Variants in RFX2 observed in about 807,000 individuals in gnomAD.
The protein encoded by RFX2 is DNA-binding protein RFX2.
RFX2 carries 20 observed loss-of-function variants against 87.8 expected under a neutral mutation model. The observed-to-expected ratio is 0.23, with a 90% CI of 0.16 to 0.33. The LOEUF (loss-of-function observed/expected upper bound fraction) is 0.33, where lower values mean the gene tolerates loss of function less well. RFX2 is among the 10% of genes least tolerant of loss of function. The probability of loss-of-function intolerance (pLI) is 1.00; values close to 1 mark genes in which losing one functional copy is unlikely to be tolerated. For missense variants in RFX2, 767 were observed against 1,012.3 expected, an observed-to-expected ratio of 0.76 and a Z score of 3.29; for synonymous variants, 397 against 431.3, an observed-to-expected ratio of 0.92 and a Z score of 0.98.
chr19:6,007,657 T>C lies in RFX2; in HGVS notation c.1247+33A>G. 1 of 1,325,244 alleles carries C rather than the reference T, an allele frequency of 7.5e-7. No individual in the cohort carries two copies. 82.1% of individuals were successfully genotyped at this position (1,325,244 alleles called of 1,614,324 possible). A position where few individuals can be genotyped will look rare whatever the true frequency, so the allele number is the denominator to read the frequency against. On this transcript the variant is annotated intron_variant, in intron 11 of 17. Transcript: ENST00000303657. The surrounding 1 kb of genome is among the most constrained non-coding windows in gnomAD (Gnocchi z 8.2). ...CGTCAGCAGGGGGTTAAGTCTGGGG[T>C]GGCTGTGAACCCAGCCAGGGTGTGG...
chr19:6,004,520 C>T lies in RFX2; in HGVS notation c.1403-222G>A, dbSNP rs993179310. Among the ~76,000 whole-genome samples the T allele has an allele frequency of 5.9e-5, 9 of 152,198 alleles. No homozygotes were observed. Among genetic ancestry groups the T allele is most frequent in the African/African-American group, 1.7e-4 (7 of 41,454 alleles). The stretch of plus-strand genomic sequence containing the variant: ...ACTGCCTATGCGGGTCTCACAGGGG[C>T]GATTCTGCCCCAGGGGACACTGGGC... On this transcript the variant is annotated intron_variant, in intron 12 of 17. Transcript: ENST00000303657. This position sits in a 1 kb window ranked among gnomAD's most constrained non-coding sequence, Gnocchi z 4.8.
At chr19:6,090,299 C>T (rs2087914539) in intron 1 of RFX2, among the ~76,000 whole-genome samples, 2 of 146,852 alleles carry the variant, frequency 1.4e-5, no homozygotes, top group African/African-American at 2.6e-5. Flanking sequence ...ATTTCTCAGC[C>T]GGGTGAGGTT....
chr19:6,004,857 G>A lies in RFX2; in HGVS notation c.1403-559C>T, dbSNP rs892065343. Among the ~76,000 whole-genome samples the A allele has an allele frequency of 5.9e-5, 9 of 151,826 alleles. No individual in the cohort carries two copies. Among genetic ancestry groups the A allele is most frequent in the East Asian group, 1.9e-4 (1 of 5,192 alleles). ...AAAAAGGCCAGGTGTGGTGGCTGAC[G>A]CCTGTAGTCCCAGCACTTTGGGAGG... On this transcript the variant is annotated intron_variant, in intron 12 of 17. Coordinates refer to ENST00000303657, the MANE Select transcript of RFX2 (RefSeq NM_000635.4). The surrounding 1 kb of genome is among the most constrained non-coding windows in gnomAD (Gnocchi z 4.8).
Position 6,039,304 on chromosome 19 carries a change from G to A in RFX2, c.522+676C>T, listed in dbSNP as rs1042814399. Among the ~76,000 whole-genome samples the A allele has an allele frequency of 6.6e-6, 1 of 152,206 alleles. No individual in the cohort carries two copies. The highest frequency in any genetic ancestry group is 1.5e-5 in the Non-Finnish European group (1 of 68,034). On this transcript the variant is annotated intron_variant, in intron 5 of 17. Coordinates refer to ENST00000303657, the MANE Select transcript of RFX2 (RefSeq NM_000635.4). The surrounding 1 kb of genome is among the most constrained non-coding windows in gnomAD (Gnocchi z 5.2). ...CAGATCAGCAGTTGCCAAGGGCTGG[G>A]GATGGGGGAGGTTGTGACTGCCAAG...
At chr19:6,051,460 T>C (rs2087265226) in intron 1 of RFX2, among the ~76,000 whole-genome samples, 1 of 152,158 alleles carries the variant, frequency 6.6e-6, no homozygotes, top group African/African-American at 2.4e-5. Flanking sequence ...ACTCTATAAA[T>C]TGTGATAAAT....
chr19:6,099,546 C>G (rs2088084147), intron 1 of RFX2, among the ~76,000 whole-genome samples: 2 of 151,710 alleles, frequency 1.3e-5, no homozygotes. Context: ...GAAGGTTTAC[C>G]ATCTTGATGT....
Position 6,015,983 on chromosome 19 carries a change from C to T in RFX2, c.779+107G>A, listed in dbSNP as rs575147224. ...ACTGCAAGCACTCCAGAGGTGGCTG[C>T]GAATCAGGCCACCTGGAAAGGAGGA... On this transcript the variant is annotated intron_variant, in intron 7 of 17. Coordinates refer to ENST00000303657, the MANE Select transcript of RFX2 (RefSeq NM_000635.4). 69 of 1,115,592 alleles carry T rather than the reference C, an allele frequency of 6.2e-5. No individual in the cohort carries two copies. The African/African-American group carries it at 8.8e-4, about 14-fold the overall frequency. The allele number at this position is 1,115,592 out of a possible 1,614,324, so 69.1% of individuals were successfully genotyped here.
chr19:6,102,446 G>A (rs1000391455), intron 1 of RFX2, among the ~76,000 whole-genome samples: 1 of 152,250 alleles, frequency 6.6e-6, no homozygotes, highest in Admixed American at 6.5e-5. Flanking sequence ...CTGAAAAGCA[G>A]GTCTTCCGGT....
chr19:6,022,195 G>A lies in RFX2; in HGVS notation c.597+3968C>T, dbSNP rs994996056. ...GCACTGAGCTAAGACACTAATCCGAGGCAGGCAGGAATTCCAAGGGAAAAC... is the reference window on the plus strand; with the variant it reads ...GCACTGAGCTAAGACACTAATCCGAAGCAGGCAGGAATTCCAAGGGAAAAC... On this transcript the variant is annotated intron_variant, in intron 6 of 17. Transcript: ENST00000303657. The surrounding 1 kb of genome is among the most constrained non-coding windows in gnomAD (Gnocchi z 6.2). 1.4e-4 allele frequency among the ~76,000 whole-genome samples: 22 copies of A among 152,276 alleles called. No individual in the cohort carries two copies. The highest frequency in any genetic ancestry group is 1.3e-3 in the Admixed American group (20 of 15,300).
intron 1 of RFX2, among the ~76,000 whole-genome samples, chr19:6,098,964 A>AC (rs2088070609): frequency 8.3e-6 from 1 of 119,784 alleles, no homozygotes; most frequent in Non-Finnish European, 1.7e-5. Flanking sequence ...TGCTTGAACC[A>AC]CAAAAAAAAA....
chr19:6,038,197 C>T (rs1457520811), intron 5 of RFX2, among the ~76,000 whole-genome samples: 1 of 151,716 alleles, frequency 6.6e-6, no homozygotes, highest in African/African-American at 2.4e-5. Flanking sequence ...TGTGGTGGTA[C>T]ACACCTGTAA....
At chr19:6,104,393 C>T (rs558058635) in intron 1 of RFX2, among the ~76,000 whole-genome samples, 2 of 149,450 alleles carry the variant, frequency 1.3e-5, no homozygotes, top group East Asian at 3.9e-4. Context: ...CACGGTGAAA[C>T]CCCGTCTCTA....
At chr19:6,078,513 A>G (rs995009789) in intron 1 of RFX2, among the ~76,000 whole-genome samples, 1 of 152,192 alleles carries the variant, frequency 6.6e-6, no homozygotes, top group Non-Finnish European at 1.5e-5. Context: ...TCCAAGAAAG[A>G]AAGCCAACAT....
intron 1 of RFX2, among the ~76,000 whole-genome samples, chr19:6,059,059 A>T (rs548322516): frequency 6.6e-6 from 1 of 151,924 alleles, no homozygotes; most frequent in East Asian, 1.9e-4. Flanking sequence ...AGTTCACTAC[A>T]GCCTCGACCT....
chr19:6,065,614 C>T (rs1411183940), intron 1 of RFX2, among the ~76,000 whole-genome samples: 1 of 151,006 alleles, frequency 6.6e-6, no homozygotes, highest in South Asian at 2.1e-4. Flanking sequence ...ACTCTGTCTC[C>T]AAAAAAAACA....
chr19:6,096,477 T>C (rs764887040), intron 1 of RFX2, among the ~76,000 whole-genome samples: 38 of 152,258 alleles, frequency 2.5e-4, no homozygotes, highest in Middle Eastern at 3.4e-3. Flanking sequence ...GATGGAGTCT[T>C]GCTCTGTCTC....
chr19:6,010,281 G>A lies in RFX2; in HGVS notation c.900-30C>T. ...GCCAGGAACACGCATACCATCATGA[G>A]GCCCAGCAGCCCTGCTGCGGGTGGG... is the stretch of plus-strand genomic sequence containing the variant. On this transcript the variant is annotated intron_variant, in intron 8 of 17. Coordinates refer to ENST00000303657, the MANE Select transcript of RFX2 (RefSeq NM_000635.4). This position sits in a 1 kb window ranked among gnomAD's most constrained non-coding sequence, Gnocchi z 5.0. The A allele has an allele frequency of 6.9e-7, 1 of 1,449,454 alleles. No homozygotes were observed. 89.8% of individuals were successfully genotyped at this position (1,449,454 alleles called of 1,614,324 possible). A position where few individuals can be genotyped will look rare whatever the true frequency, so the allele number is the denominator to read the frequency against.
rs570240572 is a variant in RFX2, at chr19:6,024,953, G to C, written c.597+1210C>G. 6.8e-4 allele frequency among the ~76,000 whole-genome samples: 103 copies of C among 151,946 alleles called. No individual in the cohort carries two copies. The Middle Eastern group carries it at 0.02, about 30-fold the overall frequency. ...GGGAGTCAGGACGGGATCACGGTGA[G>C]GACGGGAGTCAGGACGGGATCACGG... On this transcript the variant is annotated intron_variant, in intron 6 of 17. Coordinates refer to ENST00000303657, the MANE Select transcript of RFX2 (RefSeq NM_000635.4). The surrounding 1 kb of genome is among the most constrained non-coding windows in gnomAD (Gnocchi z 5.0).
In RFX2 at chr19:6,026,586, C is replaced by G; in HGVS notation, c.523-349G>C. On this transcript the variant is annotated intron_variant, in intron 5 of 17. Coordinates refer to ENST00000303657, the MANE Select transcript of RFX2 (RefSeq NM_000635.4). The surrounding 1 kb of genome is among the most constrained non-coding windows in gnomAD (Gnocchi z 4.5). ...CCACTGCATCCATTCCAGTGTCAGC[C>G]AAGCCAGCATCATAGTCACCTGCTC... The G allele has an allele frequency of 6.4e-6, 2 of 313,318 alleles. No individual in the cohort carries two copies. The highest frequency in any genetic ancestry group is 1.2e-5 in the Non-Finnish European group (2 of 165,474). The allele number at this position is 313,318 out of a possible 1,614,324, so 19.4% of individuals were successfully genotyped here.
Sources: allele counts gnomAD v4.1 joint callset (sites outside exome capture counted in the v4.1 genomes callset), GRCh38; gene constraint gnomAD v4.1.1; non-coding constraint Gnocchi (gnomAD v3.1); transcripts MANE v1.5; gene names NCBI Gene and HGNC (gene_info 2026-07-23, HGNC 2026-07-21).